TMEM233: variants seen among roughly 807,000 people sequenced by gnomAD.
TMEM233 encodes the protein dispanin subfamily B member 2.
TMEM233 carries 6 observed loss-of-function variants against 11.2 expected under a neutral mutation model. The observed-to-expected ratio is 0.54, with a 90% confidence interval of 0.29 to 1.06. TMEM233 has a LOEUF of 1.06. TMEM233 is among the 50% of genes least tolerant of loss of function. The pLI is 0.08. For missense variants in TMEM233, 127 were observed against 144.7 expected (o/e 0.88, Z 0.63); for synonymous variants, 59 against 55.8 (o/e 1.06, Z -0.26).
chr12:119,606,800 T>C (rs1410535398), intron 1 of TMEM233, among the ~76,000 whole-genome samples: 3 of 152,246 alleles, frequency 2.0e-5, no homozygotes, highest in African/African-American at 7.2e-5. Flanking sequence ...ACAGAGTAAC[T>C]GCTTAATATT....
chr12:119,644,740 A>C (rs1955129686), downstream of TMEM233, among the ~76,000 whole-genome samples: 1 of 152,084 alleles, frequency 6.6e-6, no homozygotes, highest in Non-Finnish European at 1.5e-5. Flanking sequence ...CGGCCTCCCA[A>C]AGTGCTGGGA....
intron 1 of TMEM233, among the ~76,000 whole-genome samples, chr12:119,599,725 G>C (rs1954120453): frequency 6.6e-6 from 1 of 152,014 alleles, no homozygotes; most frequent in East Asian, 1.9e-4. Context: ...GAAAATCTTT[G>C]AAAGTCTGTT....
At chr12:119,640,621 A>G in intron 2 of TMEM233, 78 bp from the exon 3 acceptor site, 1 of 1,463,156 alleles carries the variant, frequency 6.8e-7, no homozygotes, top group Non-Finnish European at 9.3e-7. Context: ...CAAATAAGGA[A>G]GGCATCGAGC....
chr12:119,634,052 T>G (rs1954931868), intron 2 of TMEM233, among the ~76,000 whole-genome samples: 1 of 152,140 alleles, frequency 6.6e-6, no homozygotes, highest in Admixed American at 6.5e-5. Flanking sequence ...GCCACCAAAG[T>G]CCACAAGGAA....
intron 2 of TMEM233, chr12:119,631,521 A>AG (rs764094367): frequency 3.3e-5 from 33 of 985,478 alleles, no homozygotes; most frequent in Non-Finnish European, 4.0e-5. Flanking sequence ...ACATGAAAGG[A>AG]AACTCAAGGT....
chr12:119,624,478 A>C (rs1333097639), intron 1 of TMEM233, among the ~76,000 whole-genome samples: 2 of 152,250 alleles, frequency 1.3e-5, no homozygotes, highest in Non-Finnish European at 2.9e-5. Flanking sequence ...ATATATCCCT[A>C]CAATGGAGTA....
intron 1 of TMEM233, among the ~76,000 whole-genome samples, chr12:119,611,889 A>T (rs1954405736): frequency 6.6e-6 from 1 of 152,160 alleles, no homozygotes; most frequent in African/African-American, 2.4e-5. Flanking sequence ...CAATAGGAAT[A>T]TTAATGCCAA....
intron 1 of TMEM233, among the ~76,000 whole-genome samples, chr12:119,623,977 G>A (rs1418279887): frequency 2.0e-5 from 3 of 152,084 alleles, no homozygotes; most frequent in East Asian, 1.9e-4. Flanking sequence ...TAAATTTAAC[G>A]ACGGTGGGCA....
intron 1 of TMEM233, among the ~76,000 whole-genome samples, chr12:119,621,874 G>A (rs940626895): frequency 2.6e-5 from 4 of 152,174 alleles, no homozygotes; most frequent in African/African-American, 7.2e-5. Flanking sequence ...CAAAACACAA[G>A]TATTTAAAAG....
rs1954019236 is a variant in TMEM233, at chr12:119,595,344, G to T, written c.186+1310G>T. 6.6e-6 allele frequency among the ~76,000 whole-genome samples: 1 copy of T among 152,214 alleles called. No homozygotes were observed. The highest frequency in any genetic ancestry group is 1.5e-5 in the Non-Finnish European group (1 of 68,040). On this transcript the variant is annotated intron_variant, in intron 1 of 2. Transcript: ENST00000426426. This position sits in a 1 kb window ranked among gnomAD's most constrained non-coding sequence, Gnocchi z 4.3. ...TGATTCAGCGCTGTGAAAATCGCTA[G>T]CCACCCGTCCCCCATCAAGTCCGCC...
At chr12:119,630,818 C>T (rs1355815444) in intron 2 of TMEM233, among the ~76,000 whole-genome samples, 1 of 152,206 alleles carries the variant, frequency 6.6e-6, no homozygotes, top group African/African-American at 2.4e-5. Context: ...ATTTGCTCTG[C>T]CCTAGCACAT....
chr12:119,621,258 T>G (rs1163981367), intron 1 of TMEM233, among the ~76,000 whole-genome samples: 1 of 152,210 alleles, frequency 6.6e-6, no homozygotes, highest in Non-Finnish European at 1.5e-5. Context: ...CAGGTTGGTC[T>G]TGAACTCCTG....
chr12:119,628,492 CTTTTTTTT>C (rs60789807), intron 1 of TMEM233, among the ~76,000 whole-genome samples: 10 of 52,412 alleles, frequency 1.9e-4, no homozygotes, highest in African/African-American at 8.5e-4. Flanking sequence ...CCAGCTCACT[CTTTTTTTT>C]TTTTTTTTTT....
At chr12:119,596,696 T>C (rs888225310) in intron 1 of TMEM233, among the ~76,000 whole-genome samples, 1 of 151,978 alleles carries the variant, frequency 6.6e-6, no homozygotes, top group African/African-American at 2.4e-5. Flanking sequence ...TTTGACCATG[T>C]TGCCCAGGCT....
chr12:119,645,302 T>C (rs1392490164), downstream of TMEM233, among the ~76,000 whole-genome samples: 1 of 102,434 alleles, frequency 9.8e-6, no homozygotes, highest in Non-Finnish European at 1.8e-5. Flanking sequence ...TAAGAGACAG[T>C]TCTGGGCCAC....
intron 2 of TMEM233, among the ~76,000 whole-genome samples, chr12:119,640,350 G>C (rs1955061529): frequency 6.6e-6 from 1 of 152,120 alleles, no homozygotes; most frequent in Admixed American, 6.6e-5. Flanking sequence ...TAGAGATGCA[G>C]TTTCACCATG....
chr12:119,652,309 C>A, the TMEM233 span, among the ~76,000 whole-genome samples: 2 of 152,172 alleles, frequency 1.3e-5, no homozygotes, highest in African/African-American at 4.8e-5. Flanking sequence ...AAATGTCCAT[C>A]AATAGAGACT....
At chr12:119,603,517 G>A (rs1234793419) in intron 1 of TMEM233, among the ~76,000 whole-genome samples, 2 of 152,202 alleles carry the variant, frequency 1.3e-5, no homozygotes, top group African/African-American at 4.8e-5. Flanking sequence ...GCCCAGGTAG[G>A]ACTCACATCC....
At chr12:119,653,391 CAAAAAAAAAAAAAAAA>C in the TMEM233 span, among the ~76,000 whole-genome samples, 1 of 81,426 alleles carries the variant, frequency 1.2e-5, no homozygotes, top group East Asian at 3.4e-4. Flanking sequence ...GACGCCACCT[CAAAAAAAAAAAAAAAA>C]AAAAATTAAT....
Sources: gnomAD v4.1 joint callset for allele counts (sites outside exome capture counted in the v4.1 genomes callset) on GRCh38, gnomAD v4.1.1 for gene constraint, Gnocchi (gnomAD v3.1) non-coding constraint, MANE v1.5 for transcripts, NCBI Gene and HGNC (gene_info 2026-07-23, HGNC 2026-07-21) for gene names.